ANKS1B: variants seen among roughly 807,000 people sequenced by gnomAD.
The protein encoded by ANKS1B is ankyrin repeat and sterile alpha motif domain containing 1B, also known as ankyrin repeat and sterile alpha motif domain-containing protein 1B.
Under a neutral mutation model 148.3 loss-of-function variants are expected in ANKS1B, and 36 were observed. The observed-to-expected ratio is 0.24, with a 90% CI of 0.19 to 0.32. ANKS1B has a LOEUF of 0.32. Among genes scored for constraint, ANKS1B ranks in the 10% least tolerant of loss-of-function variants. The probability of loss-of-function intolerance (pLI) is 1.00; values close to 1 mark genes in which losing one functional copy is unlikely to be tolerated. For missense variants in ANKS1B, 1,157 were observed against 1,542.6 expected (o/e 0.75, Z 4.19); for synonymous variants, 542 against 560.8 (o/e 0.97, Z 0.47).
chr12:99,108,076 T>C (rs1357033061), intron 15 of ANKS1B, among the ~76,000 whole-genome samples: 3 of 152,210 alleles, frequency 2.0e-5, no homozygotes, highest in Admixed American at 2.0e-4. Flanking sequence ...GAGGCTCAAA[T>C]GACCTTATCC....
chr12:99,085,030 C>T lies in ANKS1B; in HGVS notation c.2527-7G>A. 6.3e-7 allele frequency: 1 copy of T among 1,594,244 alleles called. No individual in the cohort carries two copies. The highest frequency in any genetic ancestry group is 8.6e-7 in the Non-Finnish European group (1 of 1,167,408). On this transcript the variant is annotated splice_polypyrimidine_tract_variant and splice_region_variant and intron_variant, in intron 15 of 26. Coordinates refer to ENST00000683438, the MANE Select transcript of ANKS1B (RefSeq NM_001352186.2). ...CTTCCATAACATTGCTTCCCTGAAACAAAACAGAAATGTTACAAGTTAAAT... is the reference window on the plus strand; with the variant it reads ...CTTCCATAACATTGCTTCCCTGAAATAAAACAGAAATGTTACAAGTTAAAT...
intron 17 of ANKS1B, among the ~76,000 whole-genome samples, chr12:98,991,418 T>A (rs896454769): frequency 2.6e-5 from 4 of 152,186 alleles, no homozygotes; most frequent in African/African-American, 9.7e-5. Flanking sequence ...GTTCTATGTG[T>A]TGCTTAATAG....
chr12:98,953,546 T>G (rs1026783292), intron 17 of ANKS1B, among the ~76,000 whole-genome samples: 3 of 96,064 alleles, frequency 3.1e-5, no homozygotes, highest in South Asian at 3.6e-4. Context: ...GGTTTTTTTT[T>G]TTTTTTTTTT....
Position 99,159,658 on chromosome 12 carries a change from C to T in ANKS1B, c.2420-5263G>A, listed in dbSNP as rs576511166. ...ATGAGTACTCAGGTTGATGCCGTGT[C>T]TTTGTTATTGTGAATAGTGCTGCGA... is the stretch of plus-strand genomic sequence containing the variant. On this transcript the variant is annotated intron_variant, in intron 14 of 26. Coordinates refer to ENST00000683438, the MANE Select transcript of ANKS1B (RefSeq NM_001352186.2). Among the ~76,000 whole-genome samples, 7 of 152,174 alleles carry T rather than the reference C, an allele frequency of 4.6e-5. No individual in the cohort carries two copies. In the East Asian group the frequency reaches 1.4e-3, roughly 29 times the overall value.
At chr12:99,927,395 C>A (rs1339373966) in intron 1 of ANKS1B, among the ~76,000 whole-genome samples, 1 of 152,136 alleles carries the variant, frequency 6.6e-6, no homozygotes, top group Non-Finnish European at 1.5e-5. Flanking sequence ...CTTAGTTATT[C>A]AAATGTTTTC....
intron 8 of ANKS1B, among the ~76,000 whole-genome samples, chr12:99,677,792 T>C (rs778247454): frequency 2.0e-5 from 3 of 151,876 alleles, no homozygotes; most frequent in Non-Finnish European, 2.9e-5. Context: ...GCTAACACCA[T>C]GAAACCCTGT....
chr12:99,887,986 G>A (rs2092914110), intron 1 of ANKS1B, among the ~76,000 whole-genome samples: 1 of 152,128 alleles, frequency 6.6e-6, no homozygotes, highest in African/African-American at 2.4e-5. Context: ...AATACAATGG[G>A]CTCAAATAGT....
intron 25 of ANKS1B, among the ~76,000 whole-genome samples, chr12:98,764,778 T>G (rs1269407162): frequency 6.6e-6 from 1 of 152,218 alleles, no homozygotes; most frequent in Non-Finnish European, 1.5e-5. Flanking sequence ...TCACACAGAC[T>G]AAGTGTTCAG....
At chr12:99,194,571 A>C (rs2081159405) in intron 14 of ANKS1B, among the ~76,000 whole-genome samples, 1 of 152,004 alleles carries the variant, frequency 6.6e-6, no homozygotes, top group African/African-American at 2.4e-5. Context: ...GGATATTAAA[A>C]CTCTTAAGAG....
At chr12:98,926,559 T>C (rs78099092) in intron 17 of ANKS1B, among the ~76,000 whole-genome samples, 138 of 152,226 alleles carry the variant, frequency 9.1e-4, no homozygotes, top group South Asian at 2.5e-3. Flanking sequence ...TGTCCATGGA[T>C]GTTGGACTTC....
At chr12:99,715,968 C>T (rs1311130543) in intron 8 of ANKS1B, among the ~76,000 whole-genome samples, 2 of 152,168 alleles carry the variant, frequency 1.3e-5, no homozygotes, top group Non-Finnish European at 1.5e-5. Context: ...TTAATCATTG[C>T]AGGGACGCCT....
chr12:98,987,688 G>T (rs1047534841), intron 17 of ANKS1B, among the ~76,000 whole-genome samples: 1 of 151,106 alleles, frequency 6.6e-6, no homozygotes, highest in African/African-American at 2.4e-5. Context: ...ATTTGGGACC[G>T]GTCACAGAAC....
At chr12:99,676,156 C>T (rs1281084383) in intron 8 of ANKS1B, among the ~76,000 whole-genome samples, 2 of 152,088 alleles carry the variant, frequency 1.3e-5, no homozygotes, top group Non-Finnish European at 2.9e-5. Flanking sequence ...TGAAGAAGGA[C>T]ATGTTTGCTT....
intron 17 of ANKS1B, among the ~76,000 whole-genome samples, chr12:99,000,306 G>A (rs1293041434): frequency 2.7e-5 from 3 of 111,674 alleles, no homozygotes; most frequent in Non-Finnish European, 5.1e-5. Context: ...GTTTTGCTCT[G>A]TCATCCAGGC....
intron 17 of ANKS1B, among the ~76,000 whole-genome samples, chr12:98,941,213 C>T (rs965420635): frequency 6.6e-6 from 1 of 152,154 alleles, no homozygotes. Flanking sequence ...TCATGACCAA[C>T]AGCACTGTCA....
At chr12:99,664,315 C>G (rs1166329929) in intron 8 of ANKS1B, among the ~76,000 whole-genome samples, 2 of 151,684 alleles carry the variant, frequency 1.3e-5, no homozygotes, top group East Asian at 3.9e-4. Context: ...ATTTATATAC[C>G]TAACATGAAC....
chr12:98,810,745 A>G (rs1240919976), intron 19 of ANKS1B, among the ~76,000 whole-genome samples: 1 of 152,202 alleles, frequency 6.6e-6, no homozygotes, highest in African/African-American at 2.4e-5. Flanking sequence ...TGATGGGCAC[A>G]AGGCCATTTA....
rs527312533 is a variant in ANKS1B at position 99,062,222 on chromosome 12, T to C, written c.2626-8913A>G. ...TAAGCATCCATTTTCTGATTAGTAATGTGAAAGATTAAAAGAATATCTATC... is the reference window on the plus strand; with the variant it reads ...TAAGCATCCATTTTCTGATTAGTAACGTGAAAGATTAAAAGAATATCTATC... On this transcript the variant is annotated intron_variant, in intron 16 of 26. Transcript: ENST00000683438. Among the ~76,000 whole-genome samples, 182 of 152,312 alleles carry C rather than the reference T, an allele frequency of 1.2e-3. 1 individual carries two copies. The highest frequency in any genetic ancestry group is 4.3e-3 in the African/African-American group (178 of 41,562).
At chr12:99,036,629 A>G (rs2153476612) in intron 17 of ANKS1B, among the ~76,000 whole-genome samples, 1 of 152,366 alleles carries the variant, frequency 6.6e-6, no homozygotes. Flanking sequence ...TTGGAAAGAT[A>G]CAAATACAGT....
Sources: allele counts gnomAD v4.1 joint callset (sites outside exome capture counted in the v4.1 genomes callset), GRCh38; gene constraint gnomAD v4.1.1; transcripts MANE v1.5; gene names NCBI Gene and HGNC (gene_info 2026-07-23, HGNC 2026-07-21).